Variants in RARB observed in about 807,000 individuals in gnomAD.
RARB encodes the protein retinoic acid receptor beta.
A neutral mutation model predicts 51.9 loss-of-function variants in RARB; 17 were observed. The observed-to-expected ratio is 0.33, with a 90% CI of 0.22 to 0.49. The LOEUF (loss-of-function observed/expected upper bound fraction) is 0.49. RARB is among the 20% of genes least tolerant of loss of function. The pLI is 0.99. For synonymous variants in RARB, 215 were observed against 195.4 expected, an observed-to-expected ratio of 1.10 and a Z score of -0.84; for missense variants, 369 against 550.8, an observed-to-expected ratio of 0.67 and a Z score of 3.30.
At chr3:24,951,990 T>C (rs568969728) in intron 2 of RARB, among the ~76,000 whole-genome samples, 1 of 151,032 alleles carries the variant, frequency 6.6e-6, no homozygotes, top group Admixed American at 6.6e-5. Context: ...CAAATTGCCC[T>C]GTATTCAAGT....
intron 2 of RARB, among the ~76,000 whole-genome samples, chr3:24,939,868 T>C (rs369144540): frequency 5.0e-4 from 76 of 152,352 alleles, no homozygotes; most frequent in African/African-American, 1.8e-3. Flanking sequence ...CCATGACTAC[T>C]AACATACATA....
At chr3:25,041,042 T>G (rs773683392) in intron 2 of RARB, among the ~76,000 whole-genome samples, 2 of 152,226 alleles carry the variant, frequency 1.3e-5, no homozygotes, top group Non-Finnish European at 2.9e-5. Flanking sequence ...ATCTACTGAA[T>G]GTATGGAATG....
chr3:25,587,787 A>G (rs1701454804), intron 5 of RARB, among the ~76,000 whole-genome samples: 1 of 152,234 alleles, frequency 6.6e-6, no homozygotes, highest in Admixed American at 6.5e-5. Context: ...ATATGGGGAT[A>G]AATTGTCGAA....
chr3:24,985,274 C>A (rs762246775), intron 2 of RARB, among the ~76,000 whole-genome samples: 13 of 151,930 alleles, frequency 8.6e-5, no homozygotes, highest in Non-Finnish European at 1.8e-4. Context: ...ACGCCAACAT[C>A]TTGAGACCTT....
intron 5 of RARB, among the ~76,000 whole-genome samples, chr3:25,303,021 G>A (rs1231322171): frequency 1.3e-5 from 2 of 152,166 alleles, no homozygotes; most frequent in African/African-American, 4.8e-5. Context: ...TGAATGACAA[G>A]CTCAATGCTC....
intron 2 of RARB, among the ~76,000 whole-genome samples, chr3:24,939,948 A>G (rs1695625147): frequency 6.6e-6 from 1 of 152,204 alleles, no homozygotes; most frequent in South Asian, 2.1e-4. Flanking sequence ...ATCTCCTTAT[A>G]AGCAAACGTC....
At chr3:25,143,641 A>G (rs142910619) in intron 4 of RARB, among the ~76,000 whole-genome samples, 153 of 152,288 alleles carry the variant, frequency 1.0e-3, no homozygotes, top group Middle Eastern at 3.4e-3. Flanking sequence ...CCTCTGTCAT[A>G]ACACTGAACC....
Position 25,164,791 on chromosome 3 carries a change from A to T in RARB, c.-279-9328A>T, listed in dbSNP as rs577408615. Among the ~76,000 whole-genome samples, 23 of 152,350 alleles carry T rather than the reference A, an allele frequency of 1.5e-4. No homozygotes were observed. The East Asian group carries it at 2.9e-3, about 19-fold the overall frequency. ...CATACATGCTGAGTTTGACTATAGCAAGTATGCTGTGTCTGTTTTTAACTC... is the reference window on the plus strand; with the variant it reads ...CATACATGCTGAGTTTGACTATAGCTAGTATGCTGTGTCTGTTTTTAACTC... On this transcript the variant is annotated intron_variant, in intron 4 of 11. Coordinates refer to the RARB transcript ENST00000383772.
At chr3:25,084,854 A>C (rs1699076475) in intron 3 of RARB, among the ~76,000 whole-genome samples, 2 of 151,964 alleles carry the variant, frequency 1.3e-5, no homozygotes, top group South Asian at 2.1e-4. Flanking sequence ...TTTTGAGTAC[A>C]TTTTAAAAGA....
chr3:25,376,243 C>T (rs1312647501), intron 5 of RARB, among the ~76,000 whole-genome samples: 10 of 152,174 alleles, frequency 6.6e-5, no homozygotes, highest in Admixed American at 6.5e-4. Flanking sequence ...CATGCTCTTA[C>T]CTACCTGGAA....
At chr3:25,148,832 G>T (rs752457426) in intron 4 of RARB, among the ~76,000 whole-genome samples, 8 of 152,108 alleles carry the variant, frequency 5.3e-5, no homozygotes, top group Non-Finnish European at 1.0e-4. Flanking sequence ...TAAAGCCACA[G>T]CTTGGATGTC....
chr3:24,884,421 A>G (rs544552854), intron 2 of RARB, among the ~76,000 whole-genome samples: 1 of 152,316 alleles, frequency 6.6e-6, no homozygotes, highest in East Asian at 1.9e-4. Flanking sequence ...TGCATGCAAC[A>G]GGGGTGGAAA....
At chr3:25,495,740 T>G (rs558996153) in intron 2 of RARB, among the ~76,000 whole-genome samples, 1 of 152,336 alleles carries the variant, frequency 6.6e-6, no homozygotes, top group Admixed American at 6.5e-5. Context: ...CTGATCTCAG[T>G]AATTGGTGTT....
At chr3:25,532,415 G>A (rs144426937) in intron 3 of RARB, among the ~76,000 whole-genome samples, 2 of 152,178 alleles carry the variant, frequency 1.3e-5, no homozygotes, top group South Asian at 2.1e-4. Context: ...GGCAGGAGAC[G>A]AAAGGAGAGT....
At chr3:25,309,231 C>T (rs530523150) in intron 5 of RARB, among the ~76,000 whole-genome samples, 133 of 148,802 alleles carry the variant, frequency 8.9e-4, no homozygotes, top group Non-Finnish European at 1.8e-3. Flanking sequence ...AGCTCCACCT[C>T]CCAGGTTCAC....
chr3:24,942,786 A>G (rs1695694941), intron 2 of RARB, among the ~76,000 whole-genome samples: 1 of 152,192 alleles, frequency 6.6e-6, no homozygotes, highest in African/African-American at 2.4e-5. Flanking sequence ...CCCCTAAACC[A>G]ACATACCTCA....
At chr3:25,079,313 T>C (rs1698942542) in intron 3 of RARB, among the ~76,000 whole-genome samples, 1 of 152,210 alleles carries the variant, frequency 6.6e-6, no homozygotes, top group Non-Finnish European at 1.5e-5. Flanking sequence ...TGTATTGTCT[T>C]TGAATAAAGA....
intron 3 of RARB, among the ~76,000 whole-genome samples, chr3:25,564,209 G>T (rs1440041581): frequency 6.6e-6 from 1 of 152,044 alleles, no homozygotes; most frequent in Non-Finnish European, 1.5e-5. Flanking sequence ...TACATCAGAG[G>T]TATTTGTATA....
chr3:24,921,071 C>A (rs1423549061), intron 2 of RARB, among the ~76,000 whole-genome samples: 3 of 152,098 alleles, frequency 2.0e-5, no homozygotes, highest in Non-Finnish European at 4.4e-5. Context: ...CAAGGTGGCA[C>A]CTGTCTGTTC....
Sources: gnomAD v4.1 joint callset for allele counts (sites outside exome capture counted in the v4.1 genomes callset) on GRCh38, gnomAD v4.1.1 for gene constraint, MANE v1.5 for transcripts, NCBI Gene and HGNC (gene_info 2026-07-23, HGNC 2026-07-21) for gene names.